Variants in ABCA12 observed in about 807,000 individuals in gnomAD.
The protein encoded by ABCA12 is glucosylceramide transporter ABCA12.
ABCA12 carries 156 observed loss-of-function variants against 293.5 expected under a neutral mutation model. The observed-to-expected ratio is 0.53, with a 90% CI of 0.47 to 0.61. The LOEUF (loss-of-function observed/expected upper bound fraction) is 0.61, where lower values mean the gene tolerates loss of function less well. ABCA12 is among the 20% of genes least tolerant of loss of function. The pLI is 0.00. For missense variants in ABCA12, 2,797 were observed against 3,090.2 expected (o/e 0.91, Z 2.25); for synonymous variants, 1,063 against 1,108.0 (o/e 0.96, Z 0.81).
At chr2:214,977,535 C>T (rs566337465) in intron 33 of ABCA12, among the ~76,000 whole-genome samples, 1 of 152,238 alleles carries the variant, frequency 6.6e-6, no homozygotes, top group South Asian at 2.1e-4. Flanking sequence ...GTTGAAATGA[C>T]TACTCCATGA....
At chr2:215,102,468 G>A (rs371373931) in intron 2 of ABCA12, among the ~76,000 whole-genome samples, 103 of 152,234 alleles carry the variant, frequency 6.8e-4, no homozygotes, top group African/African-American at 2.1e-3. Context: ...GCATGATGGC[G>A]CGCACCTGTA....
At chr2:214,934,241 T>G in intron 51 of ABCA12, 26 bp from the exon 52 acceptor site, 1 of 1,613,420 alleles carries the variant, frequency 6.2e-7, no homozygotes. Flanking sequence ...GAAAAAAGTT[T>G]ATTTTGCAAT....
intron 52 of ABCA12, among the ~76,000 whole-genome samples, chr2:214,933,228 A>G (rs151114002): frequency 2.1e-3 from 322 of 152,326 alleles, no homozygotes; most frequent in Non-Finnish European, 3.7e-3. Context: ...CCAATTACTT[A>G]ACAGGCAGAT....
chr2:215,026,790 C>A (rs766286538), intron 10 of ABCA12, 30 bp downstream of exon 10: 1 of 1,519,532 alleles, frequency 6.6e-7, no homozygotes, highest in Non-Finnish European at 9.1e-7. Context: ...AAACCATGAG[C>A]AGCATTTTGA....
At chr2:215,102,880 C>T (rs1469764447) in intron 2 of ABCA12, among the ~76,000 whole-genome samples, 1 of 152,086 alleles carries the variant, frequency 6.6e-6, no homozygotes, top group African/African-American at 2.4e-5. Context: ...AGTTGGTAAC[C>T]CCGATCCTGT....
chr2:215,126,573 C>G (rs1197110096), intron 1 of ABCA12, among the ~76,000 whole-genome samples: 1 of 152,056 alleles, frequency 6.6e-6, no homozygotes, highest in Non-Finnish European at 1.5e-5. Context: ...TCTAGGTTTT[C>G]TAGTTTATGT....
chr2:215,070,951 G>A (rs1284247346), intron 2 of ABCA12, among the ~76,000 whole-genome samples: 6 of 151,982 alleles, frequency 3.9e-5, no homozygotes, highest in African/African-American at 9.7e-5. Context: ...ATGCCAAGAC[G>A]GATGGATTGC....
chr2:215,070,447 G>A (rs1305232630), intron 2 of ABCA12, among the ~76,000 whole-genome samples: 1 of 151,276 alleles, frequency 6.6e-6, no homozygotes, highest in Non-Finnish European at 1.5e-5. Flanking sequence ...AGTTACATAT[G>A]TATACATGTG....
intron 19 of ABCA12, among the ~76,000 whole-genome samples, chr2:215,005,937 G>T (rs1449901575): frequency 6.6e-6 from 1 of 152,224 alleles, no homozygotes; most frequent in Non-Finnish European, 1.5e-5. Context: ...ATAAGCTGCA[G>T]TTCACGTACT....
chr2:214,989,967 G>A lies in ABCA12; in HGVS notation c.3625-346C>T, dbSNP rs1699878721. Among the ~76,000 whole-genome samples, 3 of 152,092 alleles carry A rather than the reference G, an allele frequency of 2.0e-5. No individual in the cohort carries two copies. The South Asian group carries it at 6.2e-4, about 31-fold the overall frequency. On this transcript the variant is annotated intron_variant, in intron 24 of 52. Transcript: ENST00000272895. The stretch of plus-strand genomic sequence containing the variant: ...CTAAAATTTACCAAAAATGTTAAGG[G>A]CCAGAAGGCATTTTCACTCCATACA...
At chr2:214,984,739 T>C in intron 28 of ABCA12, among the ~76,000 whole-genome samples, 1 of 152,120 alleles carries the variant, frequency 6.6e-6, no homozygotes, top group East Asian at 1.9e-4. Context: ...TCTCCTCCTA[T>C]CTTAATCTCC....
intron 2 of ABCA12, among the ~76,000 whole-genome samples, chr2:215,076,225 T>C (rs1316370333): frequency 2.0e-5 from 3 of 152,186 alleles, no homozygotes; most frequent in African/African-American, 7.2e-5. Flanking sequence ...GCTTGCTTTG[T>C]ATCCCACAAC....
At chr2:215,014,566 G>A (rs1316590659) in intron 15 of ABCA12, among the ~76,000 whole-genome samples, 1 of 152,152 alleles carries the variant, frequency 6.6e-6, no homozygotes, top group African/African-American at 2.4e-5. Flanking sequence ...GCAGAAGGGT[G>A]ATATAATGAG....
At position 214,931,764 on chromosome 2, in the gene ABCA12, C is replaced by T. The variant is rs1434706284; in HGVS notation, c.*870G>A. 1 of 152,536 alleles carries T rather than the reference C, an allele frequency of 6.6e-6. No individual in the cohort carries two copies. Among genetic ancestry groups the T allele is most frequent in the African/African-American group, 2.4e-5 (1 of 41,396 alleles). 9.4% of individuals were successfully genotyped at this position (152,536 alleles called of 1,614,324 possible). ...TGAAAATTATCTTCATATTCGTTTT[C>T]CCTCCACAGGAATGTTTCCTGAAAA... On this transcript the variant is annotated 3_prime_UTR_variant, in exon 53 of 53. Transcript: ENST00000272895.
rs1354648177 is a variant in ABCA12 at position 215,101,116 on chromosome 2, G to A, written c.163+10481C>T. 3.9e-5 allele frequency among the ~76,000 whole-genome samples: 6 copies of A among 152,282 alleles called. No individual in the cohort carries two copies. The East Asian group carries it at 1.2e-3, about 29-fold the overall frequency. The stretch of plus-strand genomic sequence containing the variant: ...TGATATCCTGGGGATTACAGTGAAA[G>A]ACTGAGTGCTGAAAAGAAGAATAGG... On this transcript the variant is annotated intron_variant, in intron 2 of 52. Coordinates refer to ENST00000272895, the MANE Select transcript of ABCA12 (RefSeq NM_173076.3).
chr2:215,052,066 A>G (rs934928737), intron 5 of ABCA12, among the ~76,000 whole-genome samples: 2 of 152,146 alleles, frequency 1.3e-5, no homozygotes, highest in Non-Finnish European at 2.9e-5. Flanking sequence ...ACGCTAAGAA[A>G]AAGGATTTTC....
chr2:215,034,691 A>C lies in ABCA12; in HGVS notation c.985+2262T>G, dbSNP rs1365788575. Among the ~76,000 whole-genome samples, 2 of 152,228 alleles carry C rather than the reference A, an allele frequency of 1.3e-5. 1 individual carries two copies. Among genetic ancestry groups the C allele is most frequent in the East Asian group, 3.8e-4 (2 of 5,198 alleles). On this transcript the variant is annotated intron_variant, in intron 8 of 52. Transcript: ENST00000272895. ...AGTTTGGCCACTTACTGGATGAGTA[A>C]CACAGGCCAAGCACCCAGCCTCCTT...
intron 28 of ABCA12, among the ~76,000 whole-genome samples, chr2:214,986,007 G>A (rs1477395893): frequency 6.6e-6 from 1 of 152,214 alleles, no homozygotes; most frequent in Non-Finnish European, 1.5e-5. Flanking sequence ...ATAGCTGGTG[G>A]TTCCTTTGTT....
At chr2:214,944,729 C>T (rs1052013449) in intron 49 of ABCA12, among the ~76,000 whole-genome samples, 1 of 152,004 alleles carries the variant, frequency 6.6e-6, no homozygotes. Context: ...CCTTAGACTC[C>T]GTCCCACCAC....
Sources: allele counts gnomAD v4.1 joint callset (sites outside exome capture counted in the v4.1 genomes callset), GRCh38; gene constraint gnomAD v4.1.1; transcripts MANE v1.5; gene names NCBI Gene and HGNC (gene_info 2026-07-23, HGNC 2026-07-21).